The following RPA3 variants were observed in gnomAD, a reference collection of about 807,000 sequenced individuals.
RPA3 encodes replication protein A3.
Under a neutral mutation model 13.7 loss-of-function variants are expected in RPA3, and 24 were observed. The observed-to-expected ratio is 1.75, with a 90% CI of 1.27 to 2.46. The LOEUF (loss-of-function observed/expected upper bound fraction) is 2.46. Ranked by LOEUF, RPA3 falls within the 30% of genes most tolerant of loss-of-function variation. The pLI is 0.00. For synonymous variants in RPA3, 59 were observed against 51.2 expected (o/e 1.15, Z -0.65); for missense variants, 183 against 151.0 (o/e 1.21, Z -1.11).
chr7:7,713,276 G>A lies in RPA3; in HGVS notation c.-1028+1899C>T, dbSNP rs191177737. ...GGAGAATCACTTGAACCCAGGAGGC[G>A]GAGGTTGTGGTGAGCTGAGATTGCG... On this transcript the variant is annotated intron_variant, in intron 2 of 7. Transcript: ENST00000223129. 4.8e-4 allele frequency among the ~76,000 whole-genome samples: 73 copies of A among 152,108 alleles called. 1 individual carries two copies. The East Asian group carries it at 0.013, about 26-fold the overall frequency.
At chr7:7,692,917 T>G (rs988278367) in intron 2 of RPA3, among the ~76,000 whole-genome samples, 4 of 152,216 alleles carry the variant, frequency 2.6e-5, no homozygotes, top group Non-Finnish European at 5.9e-5. Context: ...AAAATGTGGC[T>G]TTTAAAATGG....
intron 2 of RPA3, among the ~76,000 whole-genome samples, chr7:7,697,163 A>T (rs1352651712): frequency 6.6e-6 from 1 of 152,176 alleles, no homozygotes; most frequent in Non-Finnish European, 1.5e-5. Flanking sequence ...AGTCTTGATG[A>T]TCATAATCCA....
intron 4 of RPA3, among the ~76,000 whole-genome samples, chr7:7,684,519 AT>A (rs1264253370): frequency 6.6e-6 from 1 of 151,424 alleles, no homozygotes; most frequent in Non-Finnish European, 1.5e-5. Context: ...ACCACAAGCA[AT>A]TTTTTTTTCT....
intron 7 of RPA3, among the ~76,000 whole-genome samples, chr7:7,637,446 T>C (rs190685157): frequency 1.3e-5 from 2 of 152,284 alleles, no homozygotes; most frequent in African/African-American, 4.8e-5. Flanking sequence ...CTTACATATA[T>C]AAGCACTACT....
intron 4 of RPA3, among the ~76,000 whole-genome samples, chr7:7,652,076 C>T (rs1193820818): frequency 6.6e-6 from 1 of 152,148 alleles, no homozygotes; most frequent in Admixed American, 6.5e-5. Flanking sequence ...GGTCTCCATG[C>T]AGTGGGATGT....
At position 7,658,931 on chromosome 7, in the gene RPA3, T is replaced by G. The variant is rs554693161; in HGVS notation, c.-757-17756A>C. 3.1e-4 allele frequency among the ~76,000 whole-genome samples: 47 copies of G among 152,252 alleles called. 1 individual carries two copies. In the South Asian group the frequency reaches 6.2e-3, roughly 20 times the overall value. ...TAGAATTTGGCTGTGAATCCATCTG[T>G]TCCTGGACTTTTTTTGGTTGGTAGG... On this transcript the variant is annotated intron_variant, in intron 4 of 7. Transcript: ENST00000223129.
At chr7:7,673,476 A>G (rs1563108361) in intron 4 of RPA3, 4 of 741,572 alleles carry the variant, frequency 5.4e-6, no homozygotes, top group Middle Eastern at 4.5e-4. Flanking sequence ...AAGAAACAAA[A>G]TAATTAGATG....
At chr7:7,682,778 A>G (rs1563118517) in intron 4 of RPA3, among the ~76,000 whole-genome samples, 1 of 152,202 alleles carries the variant, frequency 6.6e-6, no homozygotes, top group African/African-American at 2.4e-5. Flanking sequence ...CATTTAATTT[A>G]CTTAGCAGTT....
At chr7:7,688,862 A>G (rs972652699) in intron 2 of RPA3, among the ~76,000 whole-genome samples, 4 of 152,200 alleles carry the variant, frequency 2.6e-5, no homozygotes, top group African/African-American at 4.8e-5. Flanking sequence ...AAACCATTTA[A>G]TATTTGGTTA....
intron 2 of RPA3, among the ~76,000 whole-genome samples, chr7:7,708,578 T>C (rs1213146245): frequency 6.6e-6 from 1 of 152,182 alleles, no homozygotes; most frequent in African/African-American, 2.4e-5. Flanking sequence ...AAGGAAACCT[T>C]TAAAAATAAG....
intron 4 of RPA3, among the ~76,000 whole-genome samples, chr7:7,662,826 T>C (rs183117021): frequency 2.4e-3 from 359 of 152,308 alleles, no homozygotes; most frequent in African/African-American, 8.5e-3. Context: ...TAAAATGTTG[T>C]GGTGTTTAGA....
At chr7:7,703,755 C>G (rs114324949) in intron 2 of RPA3, among the ~76,000 whole-genome samples, 1 of 152,034 alleles carries the variant, frequency 6.6e-6, no homozygotes, top group Non-Finnish European at 1.5e-5. Flanking sequence ...GCCTGGGCAA[C>G]GTGGCGAAAC....
At chr7:7,673,112 G>A (rs572960569) in intron 4 of RPA3, among the ~76,000 whole-genome samples, 3 of 152,320 alleles carry the variant, frequency 2.0e-5, no homozygotes, top group Admixed American at 1.3e-4. Context: ...GAACTTCAAA[G>A]GATACAGGAG....
intron 2 of RPA3, among the ~76,000 whole-genome samples, chr7:7,705,542 C>G (rs1160891991): frequency 6.6e-6 from 1 of 152,122 alleles, no homozygotes; most frequent in Non-Finnish European, 1.5e-5. Flanking sequence ...TCATCTGGCT[C>G]TAAGTACTAT....
At chr7:7,689,632 T>C (rs1780126417) in intron 2 of RPA3, among the ~76,000 whole-genome samples, 1 of 152,178 alleles carries the variant, frequency 6.6e-6, no homozygotes, top group Non-Finnish European at 1.5e-5. Context: ...TTCATGGAAA[T>C]GTATTTATAT....
intron 2 of RPA3, among the ~76,000 whole-genome samples, chr7:7,708,173 A>C (rs1040333858): frequency 1.3e-5 from 2 of 152,164 alleles, no homozygotes; most frequent in Non-Finnish European, 2.9e-5. Context: ...AATAGCAATT[A>C]CATATTCAAA....
intron 1 of RPA3, among the ~76,000 whole-genome samples, chr7:7,717,370 A>G (rs557970519): frequency 3.6e-4 from 55 of 152,058 alleles, no homozygotes; most frequent in Middle Eastern, 6.8e-3. Context: ...TGTTTCTTTC[A>G]TCTATTAAAA....
At position 7,639,105 on chromosome 7, in the gene RPA3, C is replaced by T. The variant is rs760325635; in HGVS notation, c.139G>A (p.Glu47Lys). 34 of 1,611,694 alleles carry T rather than the reference C, an allele frequency of 2.1e-5. No individual in the cohort carries two copies. The highest frequency in any genetic ancestry group is 2.7e-5 in the Non-Finnish European group (32 of 1,179,142). Residue 47 changes from glutamate to lysine, a missense_variant, in exon 6 of 8, where the codon GAA becomes AAA. Physicochemically the swap from Glu to Lys is moderately conservative, Grantham distance 56. Transcript: ENST00000223129. ...TGKMFILSDG[E>K]GKNGTIELME... ...AACTCGATGGTTCCATTTTTTCCTT[C>T]TCCATCTGAAAGAATAAACATTTTT...
chr7:7,680,259 T>A (rs2115120118), intron 4 of RPA3, among the ~76,000 whole-genome samples: 1 of 152,268 alleles, frequency 6.6e-6, no homozygotes, highest in South Asian at 2.1e-4. Context: ...CTTCTGCATA[T>A]AGATATCCAG....
Sources: gnomAD v4.1 joint callset for allele counts (sites outside exome capture counted in the v4.1 genomes callset) on GRCh38, gnomAD v4.1.1 for gene constraint, MANE v1.5 for transcripts, NCBI Gene and HGNC (gene_info 2026-07-23, HGNC 2026-07-21) for gene names.